Variants in CPEB3 observed in about 807,000 individuals in gnomAD.
The protein encoded by CPEB3 is cytoplasmic polyadenylation element binding protein 3, also known as cytoplasmic polyadenylation element-binding protein 3.
In CPEB3, 20 loss-of-function variants were observed where a neutral mutation model predicts 67.2. The ratio of observed to expected loss-of-function variants is 0.30; its 90% CI spans 0.21 to 0.43. The LOEUF (loss-of-function observed/expected upper bound fraction) is 0.43, where lower values mean the gene tolerates loss of function less well. CPEB3 is among the 20% of genes least tolerant of loss of function. CPEB3 has a pLI of 1.00. For missense variants in CPEB3, 746 were observed against 968.6 expected (o/e 0.77, Z 3.05); for synonymous variants, 376 against 393.1 (o/e 0.96, Z 0.51).
At chr10:92,123,615 G>A (rs1283918804) in intron 6 of CPEB3, among the ~76,000 whole-genome samples, 5 of 152,174 alleles carry the variant, frequency 3.3e-5, no homozygotes, top group Non-Finnish European at 7.3e-5. Flanking sequence ...CCCACTGCCT[G>A]TTACACTCCC....
chr10:92,184,646 ACATC>A (rs1277130544), intron 3 of CPEB3, among the ~76,000 whole-genome samples: 5 of 152,186 alleles, frequency 3.3e-5, no homozygotes, highest in African/African-American at 4.8e-5. Context: ...CGAGAAGGCC[ACATC>A]CATCAGAATC....
chr10:92,175,286 ACAGT>A (rs1848173886), intron 4 of CPEB3, among the ~76,000 whole-genome samples: 1 of 151,392 alleles, frequency 6.6e-6, no homozygotes, highest in Admixed American at 6.6e-5. Context: ...AATTATTTTG[ACAGT>A]CATTTATGTT....
chr10:92,099,691 T>TAAA (rs113971658), intron 7 of CPEB3, among the ~76,000 whole-genome samples: 4 of 138,962 alleles, frequency 2.9e-5, no homozygotes, highest in Middle Eastern at 3.8e-3. Context: ...CCATTTCTAC[T>TAAA]AAAAAAAAAA....
chr10:92,065,294 C>T (rs574416875), intron 9 of CPEB3, among the ~76,000 whole-genome samples: 1 of 152,316 alleles, frequency 6.6e-6, no homozygotes, highest in South Asian at 2.1e-4. Context: ...GATCTTGGCT[C>T]ACTGCAACCT....
In CPEB3 at chr10:92,239,620, G is replaced by T. The variant is rs370461859; in HGVS notation, c.731C>A (p.Thr244Lys). 8 of 1,557,966 alleles carry T rather than the reference G, an allele frequency of 5.1e-6. No homozygotes were observed. Among genetic ancestry groups the T allele is most frequent in the African/African-American group, 2.7e-5 (2 of 73,560 alleles). The change falls in exon 2 of 10, where the codon ACG becomes AAG. Residue 244 changes from threonine (T) to lysine (K), a missense_variant. Thr to Lys is a moderately conservative substitution (Grantham distance 78). This residue lies in a region of CPEB3 where 643 missense variants were observed against 717.5 expected (regional missense o/e 0.90). Transcript: ENST00000265997. The surrounding 1 kb of genome is among the most constrained non-coding windows in gnomAD (Gnocchi z 6.0). ...CCAGGCTGCATTCACGCTTTGGTGC[G>T]TGTTCCAGCTGGACGAGGCCGACGA... is the stretch of plus-strand genomic sequence containing the variant. ...AASSASSSWNTHQSVNAAWSA... is the reference protein window; with the variant it reads ...AASSASSSWNKHQSVNAAWSA...
intron 1 of CPEB3, among the ~76,000 whole-genome samples, chr10:92,253,476 A>G: frequency 6.6e-6 from 1 of 150,990 alleles, no homozygotes; most frequent in Non-Finnish European, 1.5e-5. Context: ...AAAAAAAAAA[A>G]AAAAAAAAGA....
chr10:92,089,505 G>A (rs901284085), intron 8 of CPEB3, among the ~76,000 whole-genome samples: 1 of 152,032 alleles, frequency 6.6e-6, no homozygotes, highest in African/African-American at 2.4e-5. Flanking sequence ...AGAGAACTTC[G>A]GCTGGGCACG....
chr10:92,278,184 C>CAA (rs34532720), intron 1 of CPEB3, among the ~76,000 whole-genome samples: 2 of 119,578 alleles, frequency 1.7e-5, no homozygotes. Flanking sequence ...GGCTCCATCT[C>CAA]AAAAAAAAAA....
chr10:92,185,825 A>G (rs1244325225), intron 3 of CPEB3, among the ~76,000 whole-genome samples: 1 of 152,224 alleles, frequency 6.6e-6, no homozygotes, highest in East Asian at 1.9e-4. Flanking sequence ...AGTATCTTAA[A>G]AATGTAATAC....
chr10:92,080,632 C>T (rs961141985), intron 9 of CPEB3, among the ~76,000 whole-genome samples: 6 of 151,710 alleles, frequency 4.0e-5, no homozygotes, highest in Non-Finnish European at 7.4e-5. Flanking sequence ...CTCGCTCTGT[C>T]GCCCAGGCTG....
intron 6 of CPEB3, among the ~76,000 whole-genome samples, chr10:92,139,276 T>G (rs1264777571): frequency 7.6e-6 from 1 of 131,538 alleles, no homozygotes; most frequent in East Asian, 2.1e-4. Context: ...AAACTCCATC[T>G]CACACACACA....
intron 3 of CPEB3, among the ~76,000 whole-genome samples, chr10:92,185,510 TTTCAGAATCCAACTAAAC>T (rs1848647746): frequency 6.6e-6 from 1 of 152,232 alleles, no homozygotes; most frequent in South Asian, 2.1e-4. Flanking sequence ...TGATTCAAAG[TTTCAGAATCCAACTAAAC>T]TCATGCTTTT....
rs1841852641 is a variant in CPEB3, at chr10:92,050,159, C to A, written c.*2053G>T. ...AATTTCTTGTACAGATGAAAAAAAA[C>A]CCACAAACATAGAAAAAAACAAACA... On this transcript the variant is annotated 3_prime_UTR_variant, in exon 10 of 10. Transcript: ENST00000265997. The A allele has an allele frequency of 6.6e-6, 1 of 151,262 alleles. No homozygotes were observed. The highest frequency in any genetic ancestry group is 1.9e-4 in the East Asian group (1 of 5,162). The allele number at this position is 151,262 out of a possible 1,614,324, so 9.4% of individuals were successfully genotyped here.
At chr10:92,069,012 A>G (rs2134375232) in intron 9 of CPEB3, among the ~76,000 whole-genome samples, 2 of 152,330 alleles carry the variant, frequency 1.3e-5, no homozygotes, top group South Asian at 4.1e-4. Flanking sequence ...GAGCAGCAAG[A>G]TAAAGGCTGG....
chr10:92,135,225 G>A (rs577870162), intron 6 of CPEB3, among the ~76,000 whole-genome samples: 1 of 152,284 alleles, frequency 6.6e-6, no homozygotes, highest in South Asian at 2.1e-4. Context: ...GAGTGAGCAG[G>A]TAACCTACAG....
chr10:92,257,034 A>T (rs1852545946), intron 1 of CPEB3, among the ~76,000 whole-genome samples: 1 of 152,234 alleles, frequency 6.6e-6, no homozygotes, highest in South Asian at 2.1e-4. Flanking sequence ...CTTCTTTAAC[A>T]TTAGACAAAG....
At chr10:92,284,600 C>T (rs1842447971) in intron 1 of CPEB3, among the ~76,000 whole-genome samples, 1 of 152,060 alleles carries the variant, frequency 6.6e-6, no homozygotes, top group African/African-American at 2.4e-5. Context: ...TTAATGCCTG[C>T]TTTTCTTGGG....
At chr10:92,152,769 A>G (rs1395846870) in intron 4 of CPEB3, among the ~76,000 whole-genome samples, 1 of 152,122 alleles carries the variant, frequency 6.6e-6, no homozygotes, top group East Asian at 1.9e-4. Flanking sequence ...GACCTCCCCT[A>G]TTCTTTTCTG....
chr10:92,289,946 G>T (rs1590633623), intron 1 of CPEB3, among the ~76,000 whole-genome samples: 2 of 137,942 alleles, frequency 1.4e-5, no homozygotes, highest in Admixed American at 7.4e-5. Context: ...GGTGGGTGCT[G>T]TTTCTCAAAA....
Sources: gnomAD v4.1 joint callset for allele counts (sites outside exome capture counted in the v4.1 genomes callset) on GRCh38, gnomAD v4.1.1 for gene constraint, gnomAD v4.1.1 regional missense constraint, Gnocchi (gnomAD v3.1) non-coding constraint, MANE v1.5 for transcripts, NCBI Gene and HGNC (gene_info 2026-07-23, HGNC 2026-07-21) for gene names.